Variants in AGPAT4 observed in about 807,000 individuals in gnomAD.
AGPAT4 encodes the protein 1-acyl-sn-glycerol-3-phosphate acyltransferase delta.
In AGPAT4, 15 loss-of-function variants were observed where a neutral mutation model predicts 48.0. The ratio of observed to expected loss-of-function variants is 0.31; its 90% CI spans 0.21 to 0.48. AGPAT4 has a LOEUF of 0.48. Ranked by LOEUF, AGPAT4 falls within the 20% of genes least tolerant of loss-of-function variation. The probability of loss-of-function intolerance (pLI) is 0.99; values close to 1 mark genes in which losing one functional copy is unlikely to be tolerated. For synonymous variants in AGPAT4, 178 were observed against 198.7 expected, an observed-to-expected ratio of 0.90 and a Z score of 0.88; for missense variants, 314 against 482.5, an observed-to-expected ratio of 0.65 and a Z score of 3.27.
intron 2 of AGPAT4, among the ~76,000 whole-genome samples, chr6:161,210,977 A>G (rs975805043): frequency 6.6e-6 from 1 of 152,240 alleles, no homozygotes; most frequent in Admixed American, 6.5e-5. Flanking sequence ...TCTTTGTTTC[A>G]AAACTAAACT....
In AGPAT4 at chr6:161,180,408, T is replaced by C. The variant is rs1780549820; in HGVS notation, c.179-13991A>G. On this transcript the variant is annotated intron_variant, in intron 2 of 8. Coordinates refer to ENST00000320285, the MANE Select transcript of AGPAT4 (RefSeq NM_020133.3). The surrounding 1 kb of genome is among the most constrained non-coding windows in gnomAD (Gnocchi z 6.4). ...GCCTTGAGGAGTACACAGTTCACTGTTCAAGCACACGCCAACAGTCAGAAC... is the reference window on the plus strand; with the variant it reads ...GCCTTGAGGAGTACACAGTTCACTGCTCAAGCACACGCCAACAGTCAGAAC... Among the ~76,000 whole-genome samples the C allele has an allele frequency of 6.6e-6, 1 of 152,144 alleles. No homozygotes were observed. Among genetic ancestry groups the C allele is most frequent in the African/African-American group, 2.4e-5 (1 of 41,422 alleles).
In AGPAT4 at chr6:161,166,298, T is replaced by A. The variant is rs1206504016; in HGVS notation, c.298A>T (p.Ile100Phe). The A allele has an allele frequency of 6.2e-7, 1 of 1,614,150 alleles. No homozygotes were observed. Among genetic ancestry groups the A allele is most frequent in the Non-Finnish European group, 8.5e-7 (1 of 1,180,022 alleles). ...AIVVLNHKFE[I>F]DFLCGWSLSE... ...AGGCTCCAGCCACACAGAAAGTCAA[T>A]TTCAAACTTGTGGTTGAGAACCACG... Residue 100 changes from isoleucine to phenylalanine, a missense_variant, in exon 3 of 9, where the codon ATT (isoleucine) becomes TTT (phenylalanine). By Grantham distance (21) the Ile-to-Phe change is conservative (BLOSUM62 0). Coordinates refer to ENST00000320285, the MANE Select transcript of AGPAT4 (RefSeq NM_020133.3). This position sits in a 1 kb window ranked among gnomAD's most constrained non-coding sequence, Gnocchi z 6.7.
chr6:161,188,341 A>G (rs1780827876), intron 2 of AGPAT4, among the ~76,000 whole-genome samples: 1 of 152,176 alleles, frequency 6.6e-6, no homozygotes, highest in South Asian at 2.1e-4. Context: ...TTTAATTATT[A>G]AGGATTATGT....
rs1002796409 is a variant in AGPAT4 at position 161,215,535 on chromosome 6, C to T, written c.178+16501G>A. ...GTGGTTCTCAGGTCTGTCTCTCTGGCACACATTACAGGCAAAACCCATATT... is the reference window on the plus strand; with the variant it reads ...GTGGTTCTCAGGTCTGTCTCTCTGGTACACATTACAGGCAAAACCCATATT... On this transcript the variant is annotated intron_variant, in intron 2 of 8. Transcript: ENST00000320285. This position sits in a 1 kb window ranked among gnomAD's most constrained non-coding sequence, Gnocchi z 4.5. 1.3e-5 allele frequency among the ~76,000 whole-genome samples: 2 copies of T among 152,114 alleles called. No homozygotes were observed. Among genetic ancestry groups the T allele is most frequent in the Non-Finnish European group, 2.9e-5 (2 of 68,022 alleles).
rs2115026698 is a variant in AGPAT4 at position 161,220,336 on chromosome 6, A to G, written c.178+11700T>C. 6.6e-6 allele frequency among the ~76,000 whole-genome samples: 1 copy of G among 152,364 alleles called. No homozygotes were observed. Among genetic ancestry groups the G allele is most frequent in the East Asian group, 1.9e-4 (1 of 5,182 alleles). On this transcript the variant is annotated intron_variant, in intron 2 of 8. Transcript: ENST00000320285. This position sits in a 1 kb window ranked among gnomAD's most constrained non-coding sequence, Gnocchi z 6.0. ...AAAAGTTTAGCCAAGTAAAAGCCCAATTCTAAATAAAATCATTTCACTAGG... is the reference window on the plus strand; with the variant it reads ...AAAAGTTTAGCCAAGTAAAAGCCCAGTTCTAAATAAAATCATTTCACTAGG...
At position 161,242,298 on chromosome 6, in the gene AGPAT4, A is replaced by G. The variant is rs773574146; in HGVS notation, c.-89-9996T>C. On this transcript the variant is annotated intron_variant, in intron 1 of 8. Coordinates refer to ENST00000320285, the MANE Select transcript of AGPAT4 (RefSeq NM_020133.3). This position sits in a 1 kb window ranked among gnomAD's most constrained non-coding sequence, Gnocchi z 5.0. ...CAGTCTCACGCTCTTAATGCTGCCT[A>G]TAAGACAAGAAGCCCAACATGATAG... is the stretch of plus-strand genomic sequence containing the variant. 6.6e-6 allele frequency among the ~76,000 whole-genome samples: 1 copy of G among 152,214 alleles called. No individual in the cohort carries two copies. Among genetic ancestry groups the G allele is most frequent in the Middle Eastern group, 3.2e-3 (1 of 316 alleles).
Position 161,249,232 on chromosome 6 carries a change from A to G in AGPAT4, c.-89-16930T>C, listed in dbSNP as rs1387310020. On this transcript the variant is annotated intron_variant, in intron 1 of 8. Coordinates refer to ENST00000320285, the MANE Select transcript of AGPAT4 (RefSeq NM_020133.3). This position sits in a 1 kb window ranked among gnomAD's most constrained non-coding sequence, Gnocchi z 6.2. ...AAAACCCTGGAAGATGACCTAAGCA[A>G]TACCATTCTGGACATAGGAATGGGC... Among the ~76,000 whole-genome samples, 1 of 152,228 alleles carries G rather than the reference A, an allele frequency of 6.6e-6. No individual in the cohort carries two copies. Among genetic ancestry groups the G allele is most frequent in the African/African-American group, 2.4e-5 (1 of 41,446 alleles).
At chr6:161,174,771 T>C (rs533778072) in intron 2 of AGPAT4, among the ~76,000 whole-genome samples, 170 of 152,346 alleles carry the variant, frequency 1.1e-3, no homozygotes, top group African/African-American at 3.6e-3. Context: ...CAGTATGATA[T>C]TGACTGTGGG....
At position 161,215,351 on chromosome 6, in the gene AGPAT4, A is replaced by C. The variant is rs1218281842; in HGVS notation, c.178+16685T>G. On this transcript the variant is annotated intron_variant, in intron 2 of 8. Coordinates refer to ENST00000320285, the MANE Select transcript of AGPAT4 (RefSeq NM_020133.3). The surrounding 1 kb of genome is among the most constrained non-coding windows in gnomAD (Gnocchi z 4.5). ...AGCGGACATATTTGTGCTGAATCTC[A>C]AGGTTTTTGAGGCCATGGCTCATTC... 2.6e-5 allele frequency among the ~76,000 whole-genome samples: 4 copies of C among 152,160 alleles called. No homozygotes were observed. The highest frequency in any genetic ancestry group is 5.9e-5 in the Non-Finnish European group (4 of 68,028).
At chr6:161,211,359 T>C (rs1781517417) in intron 2 of AGPAT4, among the ~76,000 whole-genome samples, 1 of 152,140 alleles carries the variant, frequency 6.6e-6, no homozygotes, top group Non-Finnish European at 1.5e-5. Flanking sequence ...ACAATTTTTG[T>C]CTAATTCAAA....
Position 161,143,502 on chromosome 6 carries a change from CCATA to C in AGPAT4, c.843+3018_843+3021del, listed in dbSNP as rs1364881400. ...AATGAAAAGTTAGAATCTGTTCACC[CCATA>C]CAATTAAGAAACCGTGATGGCTATC... On this transcript the variant is annotated intron_variant, in intron 7 of 8. Transcript: ENST00000320285. The surrounding 1 kb of genome is among the most constrained non-coding windows in gnomAD (Gnocchi z 4.7). Among the ~76,000 whole-genome samples, 1 of 152,162 alleles carries C rather than the reference CCATA, an allele frequency of 6.6e-6. No homozygotes were observed. Among genetic ancestry groups the C allele is most frequent in the Non-Finnish European group, 1.5e-5 (1 of 68,038 alleles).
At chr6:161,209,330 G>A (rs183938132) in intron 2 of AGPAT4, among the ~76,000 whole-genome samples, 12 of 152,334 alleles carry the variant, frequency 7.9e-5, no homozygotes, top group African/African-American at 2.9e-4. Context: ...CACTGTATGA[G>A]CCATGGAGCT....
chr6:161,173,764 T>A (rs1780347853), intron 2 of AGPAT4, among the ~76,000 whole-genome samples: 1 of 152,202 alleles, frequency 6.6e-6, no homozygotes, highest in Non-Finnish European at 1.5e-5. Flanking sequence ...TCTTCTAGGG[T>A]TTTTATGGTT....
At chr6:161,205,741 A>AATT (rs1781362384) in intron 2 of AGPAT4, among the ~76,000 whole-genome samples, 1 of 89,674 alleles carries the variant, frequency 1.1e-5, no homozygotes, top group East Asian at 5.1e-4. Flanking sequence ...AAATTACAAT[A>AATT]ATAATAATAA....
intron 1 of AGPAT4, among the ~76,000 whole-genome samples, chr6:161,250,779 T>A (rs1310945901): frequency 1.3e-5 from 2 of 152,216 alleles, no homozygotes; most frequent in African/African-American, 4.8e-5. Context: ...TACATGTTTG[T>A]CAGCAATAAG....
In AGPAT4 at chr6:161,146,422, G is replaced by A; in HGVS notation, c.843+102C>T. The stretch of plus-strand genomic sequence containing the variant: ...CAGACTCACTAATAACTGGCTCTGT[G>A]AGATCTCGCCCACCGGAGAAAGGCC... On this transcript the variant is annotated intron_variant, in intron 7 of 8. Coordinates refer to ENST00000320285, the MANE Select transcript of AGPAT4 (RefSeq NM_020133.3). The surrounding 1 kb of genome is among the most constrained non-coding windows in gnomAD (Gnocchi z 7.1). The A allele has an allele frequency of 1.8e-6, 2 of 1,089,700 alleles. No homozygotes were observed. The highest frequency in any genetic ancestry group is 2.1e-5 in the Admixed American group (1 of 47,732). The allele number at this position is 1,089,700 out of a possible 1,614,324, so 67.5% of individuals were successfully genotyped here.
intron 1 of AGPAT4, among the ~76,000 whole-genome samples, chr6:161,271,637 C>T (rs1783427064): frequency 6.6e-6 from 1 of 152,212 alleles, no homozygotes; most frequent in Non-Finnish European, 1.5e-5. Context: ...ACTGCTTTAA[C>T]CTCTACTCAG....
chr6:161,248,450 T>C (rs550111182), intron 1 of AGPAT4, among the ~76,000 whole-genome samples: 1 of 151,726 alleles, frequency 6.6e-6, no homozygotes, highest in Non-Finnish European at 1.5e-5. Context: ...GGTGGGCCCC[T>C]GTAGTCCCAG....
chr6:161,239,542 A>C (rs913718751), intron 1 of AGPAT4, among the ~76,000 whole-genome samples: 1 of 152,216 alleles, frequency 6.6e-6, no homozygotes, highest in Admixed American at 6.5e-5. Context: ...TCAGGGTTGT[A>C]GAAAAGGCAA....
Sources: allele counts gnomAD v4.1 joint callset (sites outside exome capture counted in the v4.1 genomes callset), GRCh38; gene constraint gnomAD v4.1.1; non-coding constraint Gnocchi (gnomAD v3.1); transcripts MANE v1.5; gene names NCBI Gene and HGNC (gene_info 2026-07-23, HGNC 2026-07-21).